CSMD1: variants seen among roughly 807,000 people sequenced by gnomAD.
CSMD1 encodes CUB and Sushi multiple domains 1.
CSMD1 carries 213 observed loss-of-function variants against 417.5 expected under a neutral mutation model. The observed-to-expected ratio is 0.51, with a 90% CI of 0.46 to 0.57. The LOEUF (loss-of-function observed/expected upper bound fraction) is 0.57, where lower values mean the gene tolerates loss of function less well. CSMD1 is among the 20% of genes least tolerant of loss of function. CSMD1 has a pLI of 0.00. For synonymous variants in CSMD1, 2,862 were observed against 1,736.8 expected (o/e 1.65, Z -16.11); for missense variants, 6,923 against 4,529.7 (o/e 1.53, Z -15.17).
intron 4 of CSMD1, among the ~76,000 whole-genome samples, chr8:4,009,475 C>T (rs1245238264): frequency 6.6e-6 from 1 of 152,038 alleles, no homozygotes; most frequent in Non-Finnish European, 1.5e-5. Flanking sequence ...ACATTCAAAC[C>T]ATAGGGTCAT....
intron 3 of CSMD1, among the ~76,000 whole-genome samples, chr8:4,196,432 C>A (rs148847629): frequency 6.6e-6 from 1 of 152,232 alleles, no homozygotes; most frequent in East Asian, 1.9e-4. Flanking sequence ...GGCTACAGTC[C>A]TTTCTGAAGC....
rs768105320 is a variant in CSMD1 at position 3,029,316 on chromosome 8, T to C, written c.7855+3A>G. 1 of 1,601,752 alleles carries C rather than the reference T, an allele frequency of 6.2e-7. No homozygotes were observed. Among genetic ancestry groups the C allele is most frequent in the Non-Finnish European group, 8.5e-7 (1 of 1,174,572 alleles). On this transcript the variant is annotated splice_donor_region_variant and intron_variant, in intron 51 of 69. Coordinates refer to ENST00000635120, the MANE Select transcript of CSMD1 (RefSeq NM_033225.6). ...TTTCAGGGGTGCCTCCCTCATCACT[T>C]ACCTCGACAGCTTGGCCTCTCATCT... is the stretch of plus-strand genomic sequence containing the variant.
chr8:4,696,958 G>C (rs1047289173), intron 1 of CSMD1, among the ~76,000 whole-genome samples: 4 of 152,132 alleles, frequency 2.6e-5, no homozygotes, highest in South Asian at 2.1e-4. Flanking sequence ...TAGATCATGA[G>C]GTCAGCAGTT....
intron 5 of CSMD1, among the ~76,000 whole-genome samples, chr8:3,792,059 C>A (rs922714954): frequency 2.0e-5 from 3 of 152,074 alleles, no homozygotes; most frequent in Non-Finnish European, 4.4e-5. Context: ...AAAGTTTAAC[C>A]AAATCTCTAT....
intron 1 of CSMD1, chr8:4,788,482 TG>T (rs1797525699): frequency 7.6e-7 from 1 of 1,323,040 alleles, no homozygotes; most frequent in Non-Finnish European, 1.1e-6. Context: ...CTCAGATATT[TG>T]GGGTAGACAA....
chr8:4,132,617 T>C (rs554356484), intron 3 of CSMD1, among the ~76,000 whole-genome samples: 1 of 152,306 alleles, frequency 6.6e-6, no homozygotes, highest in Non-Finnish European at 1.5e-5. Context: ...AGCACAGTGT[T>C]TGGCATTCAT....
chr8:3,453,165 C>G (rs942501434), intron 12 of CSMD1, among the ~76,000 whole-genome samples: 2 of 151,954 alleles, frequency 1.3e-5, no homozygotes, highest in African/African-American at 4.8e-5. Context: ...GTGGTGATAT[C>G]CCCTTCATTT....
At chr8:4,606,239 C>A (rs909654450) in intron 2 of CSMD1, among the ~76,000 whole-genome samples, 2 of 152,048 alleles carry the variant, frequency 1.3e-5, no homozygotes, top group African/African-American at 4.8e-5. Flanking sequence ...AGAAAATATG[C>A]TTCAGTTAGA....
chr8:3,285,767 T>C (rs543064515), intron 25 of CSMD1, among the ~76,000 whole-genome samples: 22 of 152,014 alleles, frequency 1.4e-4, no homozygotes, highest in African/African-American at 5.1e-4. Flanking sequence ...ACCAAATCAT[T>C]GGTTCTTTCT....
At chr8:3,664,054 T>G (rs1178176290) in intron 7 of CSMD1, among the ~76,000 whole-genome samples, 1 of 152,206 alleles carries the variant, frequency 6.6e-6, no homozygotes, top group Non-Finnish European at 1.5e-5. Flanking sequence ...TATTAAACTT[T>G]AAGTTCTAGG....
intron 3 of CSMD1, among the ~76,000 whole-genome samples, chr8:4,321,684 G>T (rs568988624): frequency 6.6e-6 from 1 of 152,154 alleles, no homozygotes; most frequent in South Asian, 2.1e-4. Context: ...ACATTCCTAA[G>T]ATAGTGATAG....
Position 4,290,450 on chromosome 8 carries a change from G to C in CSMD1, c.415+129503C>G, listed in dbSNP as rs561632170. On this transcript the variant is annotated intron_variant, in intron 3 of 69. Transcript: ENST00000635120. ...GATTTGAACTTCCATGCTGTTCTAT[G>C]GGCAATTTTAAACAAGGGTCAGGGA... Among the ~76,000 whole-genome samples, 17 of 152,230 alleles carry C rather than the reference G, an allele frequency of 1.1e-4. No individual in the cohort carries two copies. The South Asian group carries it at 2.7e-3, about 24-fold the overall frequency.
At chr8:4,809,298 A>G (rs1320010722) in intron 1 of CSMD1, among the ~76,000 whole-genome samples, 1 of 152,256 alleles carries the variant, frequency 6.6e-6, no homozygotes, top group African/African-American at 2.4e-5. Context: ...TGTTATACAT[A>G]TTAATAATAT....
chr8:3,855,965 G>A (rs1004253596), intron 5 of CSMD1, among the ~76,000 whole-genome samples: 1 of 152,046 alleles, frequency 6.6e-6, no homozygotes. Context: ...CTACTACTGA[G>A]TTTCATGATA....
chr8:4,886,721 G>C (rs1803765688), intron 1 of CSMD1, among the ~76,000 whole-genome samples: 1 of 151,540 alleles, frequency 6.6e-6, no homozygotes, highest in African/African-American at 2.4e-5. Flanking sequence ...AGTCACTTTT[G>C]GTACTCGGTG....
rs551337511 is a variant in CSMD1, at chr8:3,151,799, ACAGT to A, written c.5915-290_5915-287del. ...GATGAGTCCATGTAATGTTTGCGTC[ACAGT>A]CAGGCATCAAATGGACTTCAGTATA... is the stretch of plus-strand genomic sequence containing the variant. On this transcript the variant is annotated intron_variant, in intron 39 of 69. Coordinates refer to ENST00000635120, the MANE Select transcript of CSMD1 (RefSeq NM_033225.6). Among the ~76,000 whole-genome samples, 285 of 152,344 alleles carry A rather than the reference ACAGT, an allele frequency of 1.9e-3. 2 individuals carry two copies. Among genetic ancestry groups the A allele is most frequent in the African/African-American group, 6.1e-3 (255 of 41,574 alleles).
At chr8:4,573,231 C>A (rs1340662803) in intron 2 of CSMD1, among the ~76,000 whole-genome samples, 1 of 152,170 alleles carries the variant, frequency 6.6e-6, no homozygotes, top group African/African-American at 2.4e-5. Context: ...CATTTTTGTG[C>A]TGGTTTTTCC....
intron 5 of CSMD1, among the ~76,000 whole-genome samples, chr8:3,875,792 G>T (rs1265353667): frequency 6.6e-6 from 1 of 152,154 alleles, no homozygotes; most frequent in Non-Finnish European, 1.5e-5. Context: ...TGTGGTAAAG[G>T]GAAGGTACAA....
rs568357424 is a variant in CSMD1 at position 4,865,309 on chromosome 8, G to A, written c.85+129023C>T. 4.6e-5 allele frequency among the ~76,000 whole-genome samples: 7 copies of A among 151,914 alleles called. No homozygotes were observed. The South Asian group carries it at 1.2e-3, about 27-fold the overall frequency. ...ATACTGCTTCTGTTTTGAATAAAGA[G>A]AAAATCTCATTAAGAATCTCGTAAC... On this transcript the variant is annotated intron_variant, in intron 1 of 69. Transcript: ENST00000635120.
Sources: gnomAD v4.1 joint callset for allele counts (sites outside exome capture counted in the v4.1 genomes callset) on GRCh38, gnomAD v4.1.1 for gene constraint, MANE v1.5 for transcripts, NCBI Gene and HGNC (gene_info 2026-07-23, HGNC 2026-07-21) for gene names.